TRAPPC6B: variants seen among roughly 807,000 people sequenced by gnomAD.
The protein encoded by TRAPPC6B is TRAPP complex subunit 6B.
Under a neutral mutation model 24.7 loss-of-function variants are expected in TRAPPC6B, and 27 were observed. The observed-to-expected ratio is 1.09, with a 90% CI of 0.81 to 1.51. The LOEUF is 1.51. TRAPPC6B is among the 40% of genes most tolerant of loss of function. The pLI is 0.00. For missense variants in TRAPPC6B, 212 were observed against 190.8 expected (o/e 1.11, Z -0.66); for synonymous variants, 80 against 66.6 (o/e 1.20, Z -0.98).
chr14:39,149,441 TTAAG>T lies in TRAPPC6B; in HGVS notation c.*905_*908del, dbSNP rs2052890086. The T allele has an allele frequency of 6.6e-6, 1 of 152,114 alleles. No homozygotes were observed. The highest frequency in any genetic ancestry group is 2.4e-5 in the African/African-American group (1 of 41,416). 9.4% of individuals were successfully genotyped at this position (152,114 alleles called of 1,614,324 possible). On this transcript the variant is annotated 3_prime_UTR_variant, in exon 6 of 6. Transcript: ENST00000330149. Reference sequence around the variant, plus strand: ...GAGATAACTGCTTATGCCAGATAATTTAAGTAAGAGAAAGTAAGTAGAAGAGGTG... The same window carrying T: ...GAGATAACTGCTTATGCCAGATAATTTAAGAGAAAGTAAGTAGAAGAGGTG...
At chr14:39,166,556 A>C (rs984724931) in intron 1 of TRAPPC6B, among the ~76,000 whole-genome samples, 6 of 152,174 alleles carry the variant, frequency 3.9e-5, no homozygotes, top group Non-Finnish European at 8.8e-5. Flanking sequence ...CAAGAATGAT[A>C]ATAGCCCTTC....
In TRAPPC6B at chr14:39,149,852, A is replaced by C. The variant is rs1455626411; in HGVS notation, c.*498T>G. ...CATATATGTATTTATATATACACAC[A>C]TACAATGTATATATGAAATCCTTAT... On this transcript the variant is annotated 3_prime_UTR_variant, in exon 6 of 6. Transcript: ENST00000330149. The C allele has an allele frequency of 6.6e-6, 1 of 152,452 alleles. No homozygotes were observed. Among genetic ancestry groups the C allele is most frequent in the Non-Finnish European group, 1.5e-5 (1 of 68,230 alleles). The allele number at this position is 152,452 out of a possible 1,614,324, so 9.4% of individuals were successfully genotyped here.
intron 1 of TRAPPC6B, 94 bp from the exon 2 acceptor site, chr14:39,159,644 T>A: frequency 2.5e-6 from 2 of 809,262 alleles, no homozygotes; most frequent in Non-Finnish European, 3.7e-6. Flanking sequence ...AATATTAATG[T>A]AAACATTTAT....
rs1459644928 is a variant in TRAPPC6B, at chr14:39,149,658, AC to A, written c.*691del. 4 of 152,314 alleles carry A rather than the reference AC, an allele frequency of 2.6e-5. No individual in the cohort carries two copies. The highest frequency in any genetic ancestry group is 2.1e-4 in the South Asian group (1 of 4,826). The allele number at this position is 152,314 out of a possible 1,614,324, so 9.4% of individuals were successfully genotyped here. On this transcript the variant is annotated 3_prime_UTR_variant, in exon 6 of 6. Transcript: ENST00000330149. Reference sequence around the variant, plus strand: ...AGAGAAGTTGAAAGTCAAAACTGTAACAGGAATAAATACAAAAATTCTTTCC... The same window carrying A: ...AGAGAAGTTGAAAGTCAAAACTGTAAAGGAATAAATACAAAAATTCTTTCC...
At chr14:39,159,303 A>C in intron 2 of TRAPPC6B, 180 bp downstream of exon 2, 1 of 346,356 alleles carries the variant, frequency 2.9e-6, no homozygotes, top group Non-Finnish European at 5.1e-6. Flanking sequence ...CATTAAAATA[A>C]AATTTGAATA....
intron 1 of TRAPPC6B, among the ~76,000 whole-genome samples, chr14:39,166,153 TG>T (rs1480572522): frequency 6.6e-6 from 1 of 151,694 alleles, no homozygotes; most frequent in Non-Finnish European, 1.5e-5. Context: ...TTGCCCAGGT[TG>T]GTCTCCAACT....
At chr14:39,156,724 C>G (rs1375107431) in intron 3 of TRAPPC6B, 1 of 152,176 alleles carries the variant, frequency 6.6e-6, no homozygotes, top group African/African-American at 2.4e-5. Flanking sequence ...TATAAAGAAT[C>G]TCTTCCTGCC....
intron 4 of TRAPPC6B, among the ~76,000 whole-genome samples, chr14:39,153,679 TTAGTTA>T (rs1312410055): frequency 6.6e-6 from 1 of 151,574 alleles, no homozygotes; most frequent in Non-Finnish European, 1.5e-5. Flanking sequence ...TCACTGTCAT[TTAGTTA>T]TAGTGTTTCT....
intron 3 of TRAPPC6B, chr14:39,157,945 A>G (rs1416305868): frequency 5.4e-6 from 1 of 186,296 alleles, no homozygotes; most frequent in Non-Finnish European, 1.1e-5. Context: ...CTCTAAAGAC[A>G]TAAAGGTGAT....
In TRAPPC6B at chr14:39,150,284, C is replaced by T; in HGVS notation, c.*66G>A. 5 of 1,333,406 alleles carry T rather than the reference C, an allele frequency of 3.7e-6. No individual in the cohort carries two copies. The highest frequency in any genetic ancestry group is 5.2e-6 in the Non-Finnish European group (5 of 957,194). The allele number at this position is 1,333,406 out of a possible 1,614,324, so 82.6% of individuals were successfully genotyped here. ...GAACAATGTAATTAAATCATCACTA[C>T]TTGAAATACTTTTACATGAATAATT... On this transcript the variant is annotated 3_prime_UTR_variant, in exon 6 of 6. Transcript: ENST00000330149.
chr14:39,168,149 G>A (rs1036856432), intron 1 of TRAPPC6B, among the ~76,000 whole-genome samples: 3 of 151,426 alleles, frequency 2.0e-5, no homozygotes, highest in African/African-American at 7.3e-5. Context: ...CCAAGAGGCG[G>A]AGGCTGCAGT....
chr14:39,159,736 C>G, intron 1 of TRAPPC6B, among the ~76,000 whole-genome samples, 186 bp from the exon 2 acceptor site: 2 of 148,662 alleles, frequency 1.3e-5, no homozygotes, highest in South Asian at 4.3e-4. Context: ...ACTTACTTTA[C>G]TTTTTACTTT....
At chr14:39,161,939 G>C (rs963557829) in intron 1 of TRAPPC6B, among the ~76,000 whole-genome samples, 1 of 152,146 alleles carries the variant, frequency 6.6e-6, no homozygotes, top group Non-Finnish European at 1.5e-5. Context: ...TCACCAGACC[G>C]GTAGAGGGGA....
chr14:39,154,681 A>C lies in TRAPPC6B; in HGVS notation c.268-387T>G, dbSNP rs2052955202. Among the ~76,000 whole-genome samples, 3 of 152,064 alleles carry C rather than the reference A, an allele frequency of 2.0e-5. No homozygotes were observed. The South Asian group carries it at 6.2e-4, about 32-fold the overall frequency. ...GCAATCTGCCCACCTTGACCTCCCG[A>C]AGTGCTGGGATTACAGGCATAAGCC... On this transcript the variant is annotated intron_variant, in intron 3 of 5. Transcript: ENST00000330149.
chr14:39,153,703 CTTTT>C (rs753192860), intron 4 of TRAPPC6B, among the ~76,000 whole-genome samples: 1 of 129,102 alleles, frequency 7.7e-6, no homozygotes. Flanking sequence ...TCTTTTTTTT[CTTTT>C]TTTTTTTTTT....
intron 4 of TRAPPC6B, among the ~76,000 whole-genome samples, chr14:39,153,344 C>G (rs1334691968): frequency 1.3e-5 from 2 of 151,776 alleles, no homozygotes; most frequent in African/African-American, 2.4e-5. Context: ...AATAGGCAAT[C>G]AGGCCGGATG....
In TRAPPC6B at chr14:39,170,007, G is replaced by C. The variant is rs762121081; in HGVS notation, c.81+8C>G. ...AAAAGGACCTCAAGGTTGTGTGGCAGCACTCACCACCTCCCCCTGCTCCGC... is the reference window on the plus strand; with the variant it reads ...AAAAGGACCTCAAGGTTGTGTGGCACCACTCACCACCTCCCCCTGCTCCGC... On this transcript the variant is annotated splice_region_variant and intron_variant, in intron 1 of 5. Coordinates refer to ENST00000330149, the MANE Select transcript of TRAPPC6B (RefSeq NM_001079537.2). 3.1e-6 allele frequency: 5 copies of C among 1,613,724 alleles called. No homozygotes were observed. The highest frequency in any genetic ancestry group is 4.2e-6 in the Non-Finnish European group (5 of 1,179,678).
chr14:39,157,370 CA>C (rs1301193880), intron 3 of TRAPPC6B: 4 of 335,412 alleles, frequency 1.2e-5, no homozygotes, highest in Non-Finnish European at 2.3e-5. Flanking sequence ...AAGTACAGAC[CA>C]AAGACAAAGC....
chr14:39,154,812 G>A (rs918242663), intron 3 of TRAPPC6B, among the ~76,000 whole-genome samples: 3 of 152,096 alleles, frequency 2.0e-5, no homozygotes, highest in East Asian at 1.9e-4. Context: ...TATACCGAAC[G>A]GTTTTATACA....
Sources: gnomAD v4.1 joint callset for allele counts (sites outside exome capture counted in the v4.1 genomes callset) on GRCh38, gnomAD v4.1.1 for gene constraint, MANE v1.5 for transcripts, NCBI Gene and HGNC (gene_info 2026-07-23, HGNC 2026-07-21) for gene names.